DNAJC8: variants seen among roughly 807,000 people sequenced by gnomAD.
DNAJC8 encodes DnaJ heat shock protein family (Hsp40) member C8.
Under a neutral mutation model 43.2 loss-of-function variants are expected in DNAJC8, and 24 were observed. The ratio of observed to expected loss-of-function variants is 0.56; its 90% CI spans 0.40 to 0.78. The LOEUF is 0.78. Ranked by LOEUF, DNAJC8 falls within the 30% of genes least tolerant of loss-of-function variation. DNAJC8 has a pLI of 0.00. For missense variants in DNAJC8, 207 were observed against 299.4 expected (o/e 0.69, Z 2.28); for synonymous variants, 83 against 98.0 (o/e 0.85, Z 0.90).
intron 2 of DNAJC8, among the ~76,000 whole-genome samples, chr1:28,215,433 A>G (rs1460031648): frequency 6.6e-6 from 1 of 152,176 alleles, no homozygotes. Flanking sequence ...ATCAGAGTGA[A>G]TATTAGAATC....
intron 7 of DNAJC8, among the ~76,000 whole-genome samples, chr1:28,204,820 C>T (rs1646758225): frequency 6.6e-6 from 1 of 152,094 alleles, no homozygotes; most frequent in South Asian, 2.1e-4. Context: ...GTCAGGAGAT[C>T]GAGACCATCC....
chr1:28,203,180 T>C lies in DNAJC8; in HGVS notation c.639+567A>G, dbSNP rs145540058. ...GTGCAACAGAAACAAAGTCATCAAC[T>C]CTGATTAGCCAGCCCCTAACCATGA... is the stretch of plus-strand genomic sequence containing the variant. On this transcript the variant is annotated intron_variant, in intron 8 of 8. Transcript: ENST00000263697. 1.9e-3 allele frequency among the ~76,000 whole-genome samples: 282 copies of C among 152,252 alleles called. 1 individual carries two copies. The highest frequency in any genetic ancestry group is 6.4e-3 in the African/African-American group (266 of 41,560).
At chr1:28,216,489 A>AT (rs1646855546) in intron 2 of DNAJC8, among the ~76,000 whole-genome samples, 1 of 152,244 alleles carries the variant, frequency 6.6e-6, no homozygotes, top group South Asian at 2.1e-4. Flanking sequence ...AAAGCCTCTG[A>AT]TAAGATTATA....
At chr1:28,223,796 G>A (rs1216539296) in intron 2 of DNAJC8, among the ~76,000 whole-genome samples, 1 of 152,008 alleles carries the variant, frequency 6.6e-6, no homozygotes, top group Non-Finnish European at 1.5e-5. Context: ...TAAATCCTGT[G>A]GGGTTGGACT....
chr1:28,226,218 T>C (rs748810394), intron 2 of DNAJC8, among the ~76,000 whole-genome samples: 2 of 151,182 alleles, frequency 1.3e-5, no homozygotes, highest in Non-Finnish European at 3.0e-5. Context: ...AAAAAACTTT[T>C]TAAAGATCTG....
At chr1:28,211,962 C>T (rs1416723643) in intron 3 of DNAJC8, among the ~76,000 whole-genome samples, 1 of 151,244 alleles carries the variant, frequency 6.6e-6, no homozygotes, top group Non-Finnish European at 1.5e-5. Flanking sequence ...TCGAGACCAG[C>T]CTGGCCTACA....
rs1360193727 is a variant in DNAJC8 at position 28,200,592 on chromosome 1, A to C, written c.*656T>G. 10 of 456,406 alleles carry C rather than the reference A, an allele frequency of 2.2e-5. No homozygotes were observed. In the East Asian group the frequency reaches 6.9e-4, roughly 32 times the overall value. The allele number at this position is 456,406 out of a possible 1,614,324, so 28.3% of individuals were successfully genotyped here. A position where few individuals can be genotyped will look rare whatever the true frequency, so the allele number is the denominator to read the frequency against. On this transcript the variant is annotated 3_prime_UTR_variant, in exon 9 of 9. Transcript: ENST00000263697. The stretch of plus-strand genomic sequence containing the variant: ...AAATTTATTATACATAAAGAATATT[A>C]CCACTAACAAATGCAGACAGGCTAG...
In DNAJC8 at chr1:28,200,525, AG is replaced by A. The variant is rs1264801176; in HGVS notation, c.*722del. 4.4e-6 allele frequency: 2 copies of A among 456,436 alleles called. No homozygotes were observed. Among genetic ancestry groups the A allele is most frequent in the African/African-American group, 4.0e-5 (2 of 50,096 alleles). The allele number at this position is 456,436 out of a possible 1,614,324, so 28.3% of individuals were successfully genotyped here. A position where few individuals can be genotyped will look rare whatever the true frequency, so the allele number is the denominator to read the frequency against. On this transcript the variant is annotated 3_prime_UTR_variant, in exon 9 of 9. Coordinates refer to ENST00000263697, the MANE Select transcript of DNAJC8 (RefSeq NM_014280.3). The stretch of plus-strand genomic sequence containing the variant: ...AGCCAAGCCAGACAAGGGACCCACA[AG>A]GGAGAGTACAAGGAAAAGTACATCA...
chr1:28,208,039 T>A (rs1224765610), intron 6 of DNAJC8, among the ~76,000 whole-genome samples: 2 of 151,996 alleles, frequency 1.3e-5, no homozygotes, highest in African/African-American at 4.8e-5. Context: ...AAACCCCATC[T>A]CTACTAAAAA....
At chr1:28,208,298 C>T in intron 6 of DNAJC8, 44 bp downstream of exon 6, 1 of 1,485,648 alleles carries the variant, frequency 6.7e-7, no homozygotes, top group Middle Eastern at 1.8e-4. Flanking sequence ...AATTCGTAGA[C>T]ACAATCACAC....
At position 28,222,760 on chromosome 1, in the gene DNAJC8, C is replaced by T. The variant is rs374823394; in HGVS notation, c.180+6162G>A. ...GAAAGTAGTGGCTAGTCACAGGGTG[C>T]TGAAGCCCAAATGGGGTGAGAAGGG... On this transcript the variant is annotated intron_variant, in intron 2 of 8. Coordinates refer to ENST00000263697, the MANE Select transcript of DNAJC8 (RefSeq NM_014280.3). 6.6e-5 allele frequency among the ~76,000 whole-genome samples: 10 copies of T among 152,108 alleles called. No homozygotes were observed. In the South Asian group the frequency reaches 1.5e-3, roughly 22 times the overall value.
intron 2 of DNAJC8, among the ~76,000 whole-genome samples, chr1:28,226,653 A>T (rs1379479992): frequency 6.6e-6 from 1 of 151,276 alleles, no homozygotes; most frequent in African/African-American, 2.4e-5. Context: ...TTACTTACAC[A>T]TCTATTGTGT....
At chr1:28,212,173 ATATATATATATATATATATATATATATAT>A (rs1646816661) in intron 3 of DNAJC8, among the ~76,000 whole-genome samples, 10 of 79,344 alleles carry the variant, frequency 1.3e-4, no homozygotes, top group African/African-American at 3.9e-4. Flanking sequence ...AAATAAATAT[ATATATATATATATATATATATATATATAT>A]ATATATATAT....
intron 3 of DNAJC8, among the ~76,000 whole-genome samples, chr1:28,212,168 A>AATAAATATATATATATATATATAT (rs35950985): frequency 6.4e-5 from 2 of 31,024 alleles, no homozygotes; most frequent in Non-Finnish European, 1.4e-4. Flanking sequence ...TAAATAAATA[A>AATAAATATATATATATATATATAT]ATATATATAT....
intron 8 of DNAJC8, among the ~76,000 whole-genome samples, chr1:28,203,136 TTC>T (rs1468170317): frequency 6.6e-6 from 1 of 152,166 alleles, no homozygotes; most frequent in Non-Finnish European, 1.5e-5. Context: ...TTATCATTTT[TTC>T]TCTTTCCATA....
intron 2 of DNAJC8, among the ~76,000 whole-genome samples, chr1:28,220,796 CT>C (rs1188923297): frequency 6.6e-6 from 1 of 152,116 alleles, no homozygotes; most frequent in Non-Finnish European, 1.5e-5. Context: ...ACAAGTAATT[CT>C]GACAAAAATG....
intron 6 of DNAJC8, among the ~76,000 whole-genome samples, 159 bp downstream of exon 6, chr1:28,208,183 G>A (rs905471329): frequency 2.6e-5 from 4 of 152,106 alleles, no homozygotes; most frequent in Non-Finnish European, 5.9e-5. Flanking sequence ...TCCAGCCTGG[G>A]CAACAAGAGT....
At chr1:28,208,688 C>A in intron 5 of DNAJC8, 1 of 238,462 alleles carries the variant, frequency 4.2e-6, no homozygotes, top group African/African-American at 2.2e-5. Context: ...GTCCCCAACT[C>A]ATCAGATCCA....
At chr1:28,205,180 A>AT in intron 7 of DNAJC8, 78 bp downstream of exon 7, 1 of 1,112,304 alleles carries the variant, frequency 9.0e-7, no homozygotes, top group Admixed American at 2.1e-5. Context: ...TAATTCCCTC[A>AT]TTAGGAAAAT....
Sources: allele counts gnomAD v4.1 joint callset (sites outside exome capture counted in the v4.1 genomes callset), GRCh38; gene constraint gnomAD v4.1.1; transcripts MANE v1.5; gene names NCBI Gene and HGNC (gene_info 2026-07-23, HGNC 2026-07-21).